Variants in ACVR1C observed in about 807,000 individuals in gnomAD.
The protein encoded by ACVR1C is activin receptor type-1C.
In ACVR1C, 23 loss-of-function variants were observed where a neutral mutation model predicts 57.9. The observed-to-expected ratio is 0.40, with a 90% CI of 0.29 to 0.56. The LOEUF (loss-of-function observed/expected upper bound fraction) is 0.56. ACVR1C is among the 20% of genes least tolerant of loss of function. The pLI, the probability that ACVR1C is intolerant of heterozygous loss-of-function variation, is 0.50. For synonymous variants in ACVR1C, 214 were observed against 215.3 expected, an observed-to-expected ratio of 0.99 and a Z score of 0.05; for missense variants, 480 against 607.9, an observed-to-expected ratio of 0.79 and a Z score of 2.21.
chr2:157,565,758 A>G (rs1402547584), intron 2 of ACVR1C, among the ~76,000 whole-genome samples: 1 of 152,180 alleles, frequency 6.6e-6, no homozygotes, highest in Non-Finnish European at 1.5e-5. Context: ...ATAATTTTAT[A>G]GCTGACAGGG....
intron 5 of ACVR1C, 65 bp from the exon 6 acceptor site, chr2:157,542,927 C>A: frequency 6.7e-7 from 1 of 1,498,980 alleles, no homozygotes; most frequent in South Asian, 1.3e-5. Flanking sequence ...AGAAATCATC[C>A]TGAAGACTTA....
intron 1 of ACVR1C, among the ~76,000 whole-genome samples, chr2:157,624,223 C>T (rs1004649160): frequency 5.3e-5 from 8 of 152,130 alleles, no homozygotes; most frequent in Non-Finnish European, 1.2e-4. Context: ...TCCCCAAAAT[C>T]TTGTCATTGC....
chr2:157,589,842 C>G (rs1204346159), intron 1 of ACVR1C, among the ~76,000 whole-genome samples: 2 of 151,802 alleles, frequency 1.3e-5, no homozygotes, highest in African/African-American at 4.8e-5. Flanking sequence ...ACACATAGAC[C>G]AATGAAACAG....
intron 1 of ACVR1C, among the ~76,000 whole-genome samples, chr2:157,599,156 A>C (rs1682212752): frequency 6.6e-6 from 1 of 151,734 alleles, no homozygotes; most frequent in Admixed American, 6.6e-5. Flanking sequence ...AACACAGTGA[A>C]ACCCCGTCTC....
chr2:157,546,356 A>G (rs1266811815), intron 4 of ACVR1C, among the ~76,000 whole-genome samples: 1 of 152,246 alleles, frequency 6.6e-6, no homozygotes, highest in Non-Finnish European at 1.5e-5. Flanking sequence ...ATTTCTGCTT[A>G]GCAAATCAGA....
At chr2:157,562,622 G>T (rs958122369) in intron 2 of ACVR1C, among the ~76,000 whole-genome samples, 1 of 151,960 alleles carries the variant, frequency 6.6e-6, no homozygotes, top group African/African-American at 2.4e-5. Context: ...CTCATTTTAT[G>T]AGGGCAGCAT....
intron 6 of ACVR1C, 132 bp downstream of exon 6, chr2:157,542,574 A>G: frequency 9.3e-7 from 1 of 1,079,098 alleles, no homozygotes. Context: ...TCAGTGACCC[A>G]GAGAAGACTT....
chr2:157,620,571 T>C (rs1682749779), intron 1 of ACVR1C, among the ~76,000 whole-genome samples: 1 of 152,156 alleles, frequency 6.6e-6, no homozygotes, highest in Non-Finnish European at 1.5e-5. Flanking sequence ...ATCTCTTGGA[T>C]ACGTATGCAT....
chr2:157,593,874 C>A (rs1311702449), intron 1 of ACVR1C, among the ~76,000 whole-genome samples: 2 of 152,128 alleles, frequency 1.3e-5, no homozygotes, highest in Non-Finnish European at 2.9e-5. Context: ...GCCAAATGAG[C>A]TTTCAATAAA....
At chr2:157,566,553 C>G (rs962149840) in intron 2 of ACVR1C, among the ~76,000 whole-genome samples, 2 of 152,092 alleles carry the variant, frequency 1.3e-5, no homozygotes, top group African/African-American at 2.4e-5. Context: ...ACCTGGGAAG[C>G]ACAAGGGGTC....
At chr2:157,542,623 G>A in intron 6 of ACVR1C, 83 bp downstream of exon 6, 1 of 1,454,042 alleles carries the variant, frequency 6.9e-7, no homozygotes, top group Non-Finnish European at 9.2e-7. Flanking sequence ...ATTTGGACCT[G>A]AGCCTCCTCC....
chr2:157,618,989 C>T (rs1372630078), intron 1 of ACVR1C, among the ~76,000 whole-genome samples: 4 of 151,676 alleles, frequency 2.6e-5, no homozygotes, highest in African/African-American at 7.2e-5. Context: ...GCTGGTGAAA[C>T]AAGAAGACAG....
intron 3 of ACVR1C, among the ~76,000 whole-genome samples, chr2:157,554,236 A>AAAGGAAGGAAGG (rs1688010183): frequency 7.5e-6 from 1 of 134,200 alleles, no homozygotes; most frequent in Non-Finnish European, 1.5e-5. Context: ...AGAAAGAAAG[A>AAAGGAAGGAAGG]AAGAAAGAAA....
chr2:157,628,216 A>G (rs1275825383), intron 1 of ACVR1C, among the ~76,000 whole-genome samples: 3 of 152,076 alleles, frequency 2.0e-5, no homozygotes, highest in Non-Finnish European at 4.4e-5. Context: ...TGCAGGGTGA[A>G]CCCAGCTCCC....
At chr2:157,544,373 T>A (rs1197760210) in intron 5 of ACVR1C, 72 bp downstream of exon 5, 1 of 1,394,444 alleles carries the variant, frequency 7.2e-7, no homozygotes, top group African/African-American at 1.5e-5. Flanking sequence ...TTACTCCTAA[T>A]AAATTAAAAT....
In ACVR1C at chr2:157,550,376, A is replaced by G; in HGVS notation, c.561T>C (p.Val187=). ...CAATCGTCCTTGCAATTGTCCTTTG[A>G]ACCAACAGAGGTAGACCTAACCAAA... ...SGSGSGLPLL[V]QRTIARTIVL... is the part of the protein sequence containing the mutation. The change falls in exon 4 of 9, where the codon GTT becomes GTC. Residue 187 remains valine (V), a synonymous_variant. Transcript: ENST00000243349. 1 of 1,614,198 alleles carries G rather than the reference A, an allele frequency of 6.2e-7. No individual in the cohort carries two copies. The highest frequency in any genetic ancestry group is 8.5e-7 in the Non-Finnish European group (1 of 1,180,028).
At chr2:157,606,617 A>G (rs1222138030) in intron 1 of ACVR1C, among the ~76,000 whole-genome samples, 1 of 151,544 alleles carries the variant, frequency 6.6e-6, no homozygotes, top group Non-Finnish European at 1.5e-5. Flanking sequence ...AGAAATGTCT[A>G]TTCATAATCT....
At chr2:157,576,067 C>T (rs1238622799) in intron 2 of ACVR1C, among the ~76,000 whole-genome samples, 1 of 151,948 alleles carries the variant, frequency 6.6e-6, no homozygotes, top group Non-Finnish European at 1.5e-5. Context: ...TAGAAGATAA[C>T]AAATAATTAT....
rs1272098202 is a variant in ACVR1C, at chr2:157,531,246, G to A, written c.*2672C>T. 1 of 151,874 alleles carries A rather than the reference G, an allele frequency of 6.6e-6. No homozygotes were observed. The highest frequency in any genetic ancestry group is 1.5e-5 in the Non-Finnish European group (1 of 67,886). The allele number at this position is 151,874 out of a possible 1,614,324, so 9.4% of individuals were successfully genotyped here. A position where few individuals can be genotyped will look rare whatever the true frequency, so the allele number is the denominator to read the frequency against. ...CATGTTCTATATATAATCCTGTTAA[G>A]AGTAAAGGAAATATTACAACTTTTA... On this transcript the variant is annotated 3_prime_UTR_variant, in exon 9 of 9. Coordinates refer to ENST00000243349, the MANE Select transcript of ACVR1C (RefSeq NM_145259.3).
Sources: gnomAD v4.1 joint callset for allele counts (sites outside exome capture counted in the v4.1 genomes callset) on GRCh38, gnomAD v4.1.1 for gene constraint, MANE v1.5 for transcripts, NCBI Gene and HGNC (gene_info 2026-07-23, HGNC 2026-07-21) for gene names.